CTNNA3: variants seen among roughly 807,000 people sequenced by gnomAD.
CTNNA3 encodes the protein catenin alpha 3.
In CTNNA3, 76 loss-of-function variants were observed where a neutral mutation model predicts 95.7. The ratio of observed to expected loss-of-function variants is 0.79; its 90% CI spans 0.66 to 0.96. The LOEUF (loss-of-function observed/expected upper bound fraction) is 0.96, where lower values mean the gene tolerates loss of function less well. Among genes scored for constraint, CTNNA3 ranks in the 40% least tolerant of loss-of-function variants. The pLI is 0.00. For synonymous variants in CTNNA3, 431 were observed against 374.4 expected (o/e 1.15, Z -1.74); for missense variants, 1,191 against 1,089.8 (o/e 1.09, Z -1.31).
Position 66,705,678 on chromosome 10 carries a change from A to G in CTNNA3, c.1281+60586T>C, listed in dbSNP as rs552586213. Among the ~76,000 whole-genome samples, 6 of 152,140 alleles carry G rather than the reference A, an allele frequency of 3.9e-5. No individual in the cohort carries two copies. In the South Asian group the frequency reaches 1.2e-3, roughly 32 times the overall value. ...TACTCCATCTTTTTTTGGAAGCATA[A>G]TATCCCTTCCTTAACAAATTATCTT... On this transcript the variant is annotated intron_variant, in intron 9 of 17. Coordinates refer to ENST00000433211, the MANE Select transcript of CTNNA3 (RefSeq NM_013266.4).
chr10:67,354,646 A>G (rs1464693380), intron 5 of CTNNA3, among the ~76,000 whole-genome samples: 2 of 152,034 alleles, frequency 1.3e-5, no homozygotes, highest in Non-Finnish European at 2.9e-5. Context: ...TATGAAACAA[A>G]CAATATATCT....
intron 7 of CTNNA3, among the ~76,000 whole-genome samples, chr10:66,903,548 A>G (rs1237251119): frequency 6.6e-6 from 1 of 152,192 alleles, no homozygotes; most frequent in Non-Finnish European, 1.5e-5. Context: ...CAAGAGAACG[A>G]AATAAAGGGT....
chr10:67,552,166 C>T (rs1401886523), intron 3 of CTNNA3, among the ~76,000 whole-genome samples: 1 of 152,088 alleles, frequency 6.6e-6, no homozygotes, highest in African/African-American at 2.4e-5. Context: ...AGGATAACAA[C>T]GCACATTCAA....
At chr10:67,418,759 A>G (rs900051332) in intron 5 of CTNNA3, among the ~76,000 whole-genome samples, 2 of 152,192 alleles carry the variant, frequency 1.3e-5, no homozygotes, top group Non-Finnish European at 2.9e-5. Context: ...AATCTATTGT[A>G]AAACATGTAG....
chr10:67,190,289 C>T (rs2132171860), intron 6 of CTNNA3, among the ~76,000 whole-genome samples: 1 of 151,936 alleles, frequency 6.6e-6, no homozygotes. Context: ...ACAGAAGTGG[C>T]AGGATGATAT....
chr10:66,059,046 C>G (rs1459326691), intron 15 of CTNNA3, among the ~76,000 whole-genome samples: 4 of 151,412 alleles, frequency 2.6e-5, no homozygotes, highest in Admixed American at 6.6e-5. Flanking sequence ...AAGGTTGGCC[C>G]ATTACCAGAC....
At chr10:67,602,011 A>C (rs1300110123) in intron 3 of CTNNA3, among the ~76,000 whole-genome samples, 1 of 152,214 alleles carries the variant, frequency 6.6e-6, no homozygotes, top group African/African-American at 2.4e-5. Context: ...TACATAAATT[A>C]TAGTATGTCT....
intron 3 of CTNNA3, among the ~76,000 whole-genome samples, chr10:67,580,929 A>C (rs1842370063): frequency 6.6e-6 from 1 of 152,152 alleles, no homozygotes; most frequent in Non-Finnish European, 1.5e-5. Context: ...ACTTTGCTGA[A>C]GTTGCTTATC....
At chr10:66,871,354 T>G (rs1223015824) in intron 7 of CTNNA3, among the ~76,000 whole-genome samples, 1 of 151,508 alleles carries the variant, frequency 6.6e-6, no homozygotes, top group Admixed American at 6.6e-5. Context: ...AGGTTGGGAG[T>G]TCGAGACCAG....
chr10:66,431,944 A>AAAG (rs1315346898), intron 11 of CTNNA3, among the ~76,000 whole-genome samples: 2 of 152,132 alleles, frequency 1.3e-5, no homozygotes, highest in East Asian at 3.8e-4. Context: ...AAATATTTTT[A>AAAG]AAGAATGTTC....
At chr10:67,359,004 T>C (rs1270670353) in intron 5 of CTNNA3, among the ~76,000 whole-genome samples, 2 of 151,982 alleles carry the variant, frequency 1.3e-5, no homozygotes, top group African/African-American at 4.8e-5. Context: ...GCCCTTACTC[T>C]TAAGCACCAT....
chr10:67,632,422 G>C (rs6480282), intron 2 of CTNNA3, among the ~76,000 whole-genome samples: 18,584 of 151,900 alleles, frequency 0.12, 2,103 homozygotes, highest in East Asian at 0.43. Flanking sequence ...AAGCAGCTGC[G>C]GTCTGCGCAC....
chr10:66,314,208 C>T (rs896270728), intron 12 of CTNNA3, among the ~76,000 whole-genome samples: 4 of 152,088 alleles, frequency 2.6e-5, no homozygotes, highest in Non-Finnish European at 5.9e-5. Context: ...GGCCCAGGGA[C>T]AGCATTGAGC....
chr10:66,539,815 C>T (rs913007572), intron 10 of CTNNA3, among the ~76,000 whole-genome samples: 7 of 152,110 alleles, frequency 4.6e-5, no homozygotes, highest in African/African-American at 1.7e-4. Context: ...TGCAGAATCT[C>T]AGGTTCTACC....
At chr10:67,598,056 A>T (rs1842977911) in intron 3 of CTNNA3, among the ~76,000 whole-genome samples, 1 of 152,170 alleles carries the variant, frequency 6.6e-6, no homozygotes, top group South Asian at 2.1e-4. Flanking sequence ...AGGAGCACTC[A>T]TCAGACTGGC....
intron 9 of CTNNA3, among the ~76,000 whole-genome samples, chr10:66,663,065 C>G (rs1306652920): frequency 6.6e-6 from 1 of 151,960 alleles, no homozygotes; most frequent in African/African-American, 2.4e-5. Context: ...ATGGCACATT[C>G]TTCGTCCTCA....
intron 5 of CTNNA3, among the ~76,000 whole-genome samples, chr10:67,268,629 T>C (rs1471556576): frequency 1.3e-5 from 2 of 152,186 alleles, no homozygotes; most frequent in Non-Finnish European, 2.9e-5. Context: ...TTATAAAGCG[T>C]AAATTACTTT....
chr10:67,376,894 C>A (rs541926053), intron 5 of CTNNA3, among the ~76,000 whole-genome samples: 1 of 152,122 alleles, frequency 6.6e-6, no homozygotes, highest in Non-Finnish European at 1.5e-5. Flanking sequence ...AGCCTTGATA[C>A]GAGAAAGTCA....
chr10:66,766,440 G>GT (rs761652912), intron 8 of CTNNA3, 24 bp from the exon 9 acceptor site: 25,129 of 1,354,030 alleles, frequency 0.019, 13 homozygotes, highest in Middle Eastern at 0.039. Flanking sequence ...AAAAATTCAG[G>GT]TTTTTTTTTT....
Sources: allele counts gnomAD v4.1 joint callset (sites outside exome capture counted in the v4.1 genomes callset), GRCh38; gene constraint gnomAD v4.1.1; transcripts MANE v1.5; gene names NCBI Gene and HGNC (gene_info 2026-07-23, HGNC 2026-07-21).